The following ATP8A2 variants were observed in gnomAD, a reference collection of about 807,000 sequenced individuals.
ATP8A2 encodes the protein ATPase phospholipid transporting 8A2.
In ATP8A2, 100 loss-of-function variants were observed where a neutral mutation model predicts 165.6. The observed-to-expected ratio is 0.60, with a 90% confidence interval of 0.51 to 0.71. ATP8A2 has a LOEUF of 0.71. Among genes scored for constraint, ATP8A2 ranks in the 30% least tolerant of loss-of-function variants. ATP8A2 has a pLI of 0.00. For missense variants in ATP8A2, 1,227 were observed against 1,479.5 expected, an observed-to-expected ratio of 0.83 and a Z score of 2.80; for synonymous variants, 543 against 548.8, an observed-to-expected ratio of 0.99 and a Z score of 0.15.
intron 33 of ATP8A2, among the ~76,000 whole-genome samples, chr13:25,946,253 GCCAATGGCCATGTCCCCACGGGGA>G (rs1955206551): frequency 6.6e-6 from 1 of 152,148 alleles, no homozygotes; most frequent in African/African-American, 2.4e-5. Context: ...AGTTAAGGAG[GCCAATGGCCATGTCCCCACGGGGA>G]CATCTCTCTC....
chr13:25,451,852 G>T (rs911641795), intron 1 of ATP8A2, among the ~76,000 whole-genome samples: 11 of 146,850 alleles, frequency 7.5e-5, no homozygotes, highest in Non-Finnish European at 1.2e-4. Context: ...TACCTTCATG[G>T]TTTTTTTTTT....
chr13:25,697,679 G>T (rs549802503), intron 24 of ATP8A2, among the ~76,000 whole-genome samples: 1 of 152,134 alleles, frequency 6.6e-6, no homozygotes, highest in African/African-American at 2.4e-5. Flanking sequence ...AATAATTTAC[G>T]TTGATTAGTT....
At chr13:25,794,995 T>A (rs985803084) in intron 27 of ATP8A2, among the ~76,000 whole-genome samples, 2 of 151,746 alleles carry the variant, frequency 1.3e-5, no homozygotes, top group African/African-American at 2.4e-5. Flanking sequence ...CTCCCGAGAG[T>A]GATCCAGCCA....
At chr13:25,659,346 A>G (rs1266920806) in intron 24 of ATP8A2, among the ~76,000 whole-genome samples, 1 of 152,196 alleles carries the variant, frequency 6.6e-6, no homozygotes, top group Non-Finnish European at 1.5e-5. Flanking sequence ...TCTGCGATCG[A>G]GTTTCATTTA....
chr13:25,767,126 G>A (rs943259406), intron 25 of ATP8A2, among the ~76,000 whole-genome samples: 1 of 152,204 alleles, frequency 6.6e-6, no homozygotes, highest in African/African-American at 2.4e-5. Flanking sequence ...AAACAAAATG[G>A]GAAATCACTT....
chr13:25,623,744 A>T (rs565911757), intron 24 of ATP8A2, among the ~76,000 whole-genome samples: 1 of 152,144 alleles, frequency 6.6e-6, no homozygotes, highest in Non-Finnish European at 1.5e-5. Flanking sequence ...GTGTTATAGA[A>T]ATATGTGTGT....
At chr13:25,447,921 A>C (rs1161028412) in intron 1 of ATP8A2, among the ~76,000 whole-genome samples, 1 of 152,156 alleles carries the variant, frequency 6.6e-6, no homozygotes, top group Non-Finnish European at 1.5e-5. Context: ...CATGTCTCCA[A>C]CCGTAGTCTT....
Position 25,579,794 on chromosome 13 carries a change from TG to T in ATP8A2, c.1868-12del, listed in dbSNP as rs1173304050. On this transcript the variant is annotated splice_polypyrimidine_tract_variant and intron_variant, in intron 21 of 36. Coordinates refer to ENST00000381655, the MANE Select transcript of ATP8A2 (RefSeq NM_016529.6). ...CGTTCTGCCTGCCTCCATTCACCAG[TG>T]GCTGTCTTGCAGGCTTGCGGACTCT... 1 of 1,612,054 alleles carries T rather than the reference TG, an allele frequency of 6.2e-7. No homozygotes were observed. The highest frequency in any genetic ancestry group is 8.5e-7 in the Non-Finnish European group (1 of 1,178,294).
At chr13:25,646,816 C>G (rs1028797565) in intron 24 of ATP8A2, among the ~76,000 whole-genome samples, 1 of 151,522 alleles carries the variant, frequency 6.6e-6, no homozygotes, top group Admixed American at 6.6e-5. Context: ...GTTCCTTTTT[C>G]CATTCTTGCA....
At position 26,020,339 on chromosome 13, in the gene ATP8A2, A is replaced by G. The variant is rs1957064264; in HGVS notation, c.*354A>G. On this transcript the variant is annotated 3_prime_UTR_variant, in exon 37 of 37. Coordinates refer to ENST00000381655, the MANE Select transcript of ATP8A2 (RefSeq NM_016529.6). ...CCTGGGAGAAAGGGAAAGGAGTTTTATGTTGCGTGAGAGGCCCATCCTGTG... is the reference window on the plus strand; with the variant it reads ...CCTGGGAGAAAGGGAAAGGAGTTTTGTGTTGCGTGAGAGGCCCATCCTGTG... The G allele has an allele frequency of 4.3e-6, 1 of 235,140 alleles. No individual in the cohort carries two copies. Among genetic ancestry groups the G allele is most frequent in the African/African-American group, 2.3e-5 (1 of 43,734 alleles). The allele number at this position is 235,140 out of a possible 1,614,324, so 14.6% of individuals were successfully genotyped here.
At chr13:25,559,639 TA>T in intron 14 of ATP8A2, 81 bp from the exon 15 acceptor site, 1 of 1,042,488 alleles carries the variant, frequency 9.6e-7, no homozygotes. Flanking sequence ...ATATCTAATC[TA>T]AGAATTAGAT....
At chr13:25,784,723 C>T (rs1254579220) in intron 27 of ATP8A2, among the ~76,000 whole-genome samples, 3 of 152,052 alleles carry the variant, frequency 2.0e-5, no homozygotes, top group Middle Eastern at 3.2e-3. Context: ...GTGTAATTTT[C>T]ATGCAGAGAA....
chr13:25,797,340 G>A (rs969987628), intron 27 of ATP8A2, among the ~76,000 whole-genome samples: 2 of 151,994 alleles, frequency 1.3e-5, no homozygotes, highest in Non-Finnish European at 2.9e-5. Flanking sequence ...AATTCTTGAG[G>A]TGATGGATAC....
At chr13:25,735,726 T>C (rs2043753321) in intron 25 of ATP8A2, among the ~76,000 whole-genome samples, 1 of 152,184 alleles carries the variant, frequency 6.6e-6, no homozygotes, top group Non-Finnish European at 1.5e-5. Flanking sequence ...GGTGGTCCCA[T>C]ACGATTATAA....
At chr13:25,548,390 A>G (rs1221482166) in intron 10 of ATP8A2, among the ~76,000 whole-genome samples, 1 of 152,204 alleles carries the variant, frequency 6.6e-6, no homozygotes, top group Non-Finnish European at 1.5e-5. Flanking sequence ...GATGAAAGAT[A>G]AAGTTTTCTA....
At chr13:25,979,311 AG>A (rs1956131963) in intron 35 of ATP8A2, among the ~76,000 whole-genome samples, 1 of 152,194 alleles carries the variant, frequency 6.6e-6, no homozygotes, top group African/African-American at 2.4e-5. Flanking sequence ...TAACAGGAAC[AG>A]AAAAAAAAAT....
At chr13:25,724,193 G>C (rs530361166) in intron 25 of ATP8A2, among the ~76,000 whole-genome samples, 10 of 152,216 alleles carry the variant, frequency 6.6e-5, no homozygotes, top group Non-Finnish European at 1.3e-4. Flanking sequence ...AATTTGTCAT[G>C]CAGCAATAGA....
chr13:25,853,396 A>AAAATAT (rs1555278504), intron 30 of ATP8A2, among the ~76,000 whole-genome samples: 209 of 107,844 alleles, frequency 1.9e-3, no homozygotes, highest in Admixed American at 8.0e-3. Flanking sequence ...ATCTAAAAAA[A>AAAATAT]ATATATATAT....
intron 35 of ATP8A2, among the ~76,000 whole-genome samples, chr13:25,998,490 T>G (rs888276699): frequency 1.3e-5 from 2 of 152,154 alleles, no homozygotes; most frequent in Non-Finnish European, 2.9e-5. Flanking sequence ...GGCCTGAAAG[T>G]TTTCTGTCTT....
Sources: gnomAD v4.1 joint callset for allele counts (sites outside exome capture counted in the v4.1 genomes callset) on GRCh38, gnomAD v4.1.1 for gene constraint, MANE v1.5 for transcripts, NCBI Gene and HGNC (gene_info 2026-07-23, HGNC 2026-07-21) for gene names.